The following MEIKIN variants were observed in gnomAD, a reference collection of about 807,000 sequenced individuals.
The protein encoded by MEIKIN is meiosis-specific kinetochore protein.
chr5:131,933,001 G>A (rs1480887099), intron 5 of MEIKIN, among the ~76,000 whole-genome samples: 1 of 151,902 alleles, frequency 6.6e-6, no homozygotes, highest in African/African-American at 2.4e-5. Flanking sequence ...CCTTATGAGC[G>A]TATTACTTTA....
chr5:131,809,184 A>G (rs1170796241), intron 12 of MEIKIN, among the ~76,000 whole-genome samples: 1 of 152,196 alleles, frequency 6.6e-6, no homozygotes, highest in Non-Finnish European at 1.5e-5. Flanking sequence ...ATCACCAGCA[A>G]CTATTTCTAG....
intron 9 of MEIKIN, among the ~76,000 whole-genome samples, chr5:131,869,688 C>A (rs1270925531): frequency 6.6e-6 from 1 of 152,190 alleles, no homozygotes; most frequent in African/African-American, 2.4e-5. Context: ...ACTATGAAGA[C>A]CTGATGGCAG....
intron 11 of MEIKIN, among the ~76,000 whole-genome samples, chr5:131,842,941 T>G (rs887807456): frequency 6.6e-6 from 1 of 152,254 alleles, no homozygotes; most frequent in South Asian, 2.1e-4. Context: ...TGCCTGGATG[T>G]CCAGGTGTTT....
intron 5 of MEIKIN, among the ~76,000 whole-genome samples, chr5:131,926,518 C>T (rs912933057): frequency 3.9e-5 from 6 of 152,094 alleles, no homozygotes; most frequent in Non-Finnish European, 7.4e-5. Flanking sequence ...GTATTTACCT[C>T]GCTTTAGTAT....
rs530253137 is a variant in MEIKIN at position 131,895,797 on chromosome 5, C to G, written c.703+16018G>C. Reference sequence around the variant, plus strand: ...TCTCTTTTATTCTTTATTAGTCTTGCTAGTGGTCTATCAATTTTGTTGATC... The same window carrying G: ...TCTCTTTTATTCTTTATTAGTCTTGGTAGTGGTCTATCAATTTTGTTGATC... On this transcript the variant is annotated intron_variant, in intron 8 of 12. Transcript: ENST00000442687. Among the ~76,000 whole-genome samples, 4 of 152,102 alleles carry G rather than the reference C, an allele frequency of 2.6e-5. No homozygotes were observed. The East Asian group carries it at 7.7e-4, about 29-fold the overall frequency.
At chr5:131,919,206 T>A (rs1485205849) in intron 6 of MEIKIN, among the ~76,000 whole-genome samples, 5 of 150,906 alleles carry the variant, frequency 3.3e-5, no homozygotes, top group Non-Finnish European at 5.9e-5. Context: ...TAGCAAAAAT[T>A]AAAAAAAAAT....
chr5:131,861,157 G>A (rs545457406), intron 9 of MEIKIN, among the ~76,000 whole-genome samples: 4 of 152,148 alleles, frequency 2.6e-5, no homozygotes, highest in East Asian at 1.9e-4. Context: ...TTGGGAGGCC[G>A]AAGTGGGCGG....
chr5:131,842,812 C>T (rs980170610), intron 11 of MEIKIN, among the ~76,000 whole-genome samples: 1 of 152,194 alleles, frequency 6.6e-6, no homozygotes, highest in Non-Finnish European at 1.5e-5. Flanking sequence ...TCATGCTTTA[C>T]AACATCTTTT....
intron 9 of MEIKIN, among the ~76,000 whole-genome samples, chr5:131,869,266 T>C (rs1444756689): frequency 6.6e-6 from 1 of 152,238 alleles, no homozygotes; most frequent in Non-Finnish European, 1.5e-5. Context: ...CTTTGCTCCT[T>C]TGTCAAAGAT....
intron 8 of MEIKIN, among the ~76,000 whole-genome samples, chr5:131,900,348 C>G (rs956833713): frequency 2.0e-5 from 3 of 152,280 alleles, no homozygotes; most frequent in African/African-American, 7.2e-5. Context: ...AGCTGGGAAC[C>G]CTGCAGAGGG....
intron 8 of MEIKIN, among the ~76,000 whole-genome samples, chr5:131,901,097 C>T (rs1317515218): frequency 6.6e-6 from 1 of 152,148 alleles, no homozygotes; most frequent in Non-Finnish European, 1.5e-5. Context: ...GTTGACACTG[C>T]CACTGGCGTG....
At chr5:131,926,930 C>T (rs1188884333) in intron 5 of MEIKIN, among the ~76,000 whole-genome samples, 1 of 152,018 alleles carries the variant, frequency 6.6e-6, no homozygotes, top group African/African-American at 2.4e-5. Flanking sequence ...GTTTGTCAAA[C>T]TTGTCTTTTC....
chr5:131,899,827 T>C (rs1020815968), intron 8 of MEIKIN, among the ~76,000 whole-genome samples: 1 of 152,170 alleles, frequency 6.6e-6, no homozygotes, highest in Non-Finnish European at 1.5e-5. Context: ...AAAGCAAACA[T>C]ATTACAGCTA....
chr5:131,877,150 A>G (rs1231587336), intron 9 of MEIKIN, among the ~76,000 whole-genome samples: 1 of 152,158 alleles, frequency 6.6e-6, no homozygotes, highest in Non-Finnish European at 1.5e-5. Context: ...GTATAATAAT[A>G]ATAAAATTTT....
At position 131,809,547 on chromosome 5, in the gene MEIKIN, G is replaced by A. The variant is rs138492326; in HGVS notation, c.1100-2289C>T. On this transcript the variant is annotated intron_variant, in intron 12 of 12. Coordinates refer to ENST00000442687, the MANE Select transcript of MEIKIN (RefSeq NM_001303622.2). Reference sequence around the variant, plus strand: ...GAACAGGCTGGGTGCGGTGGCTCACGCCTGTAATCCCAGCACTTTGGGAGG... The same window carrying A: ...GAACAGGCTGGGTGCGGTGGCTCACACCTGTAATCCCAGCACTTTGGGAGG... Among the ~76,000 whole-genome samples the A allele has an allele frequency of 2.5e-3, 384 of 152,270 alleles. 9 individuals are homozygous for A. In the East Asian group the frequency reaches 0.063, roughly 25 times the overall value.
At chr5:131,905,909 CA>C (rs1454113853) in intron 8 of MEIKIN, among the ~76,000 whole-genome samples, 2 of 152,022 alleles carry the variant, frequency 1.3e-5, no homozygotes, top group African/African-American at 4.8e-5. Flanking sequence ...ATCTAAGACT[CA>C]AAACTATCAA....
At chr5:131,871,785 T>G (rs1372900536) in intron 9 of MEIKIN, among the ~76,000 whole-genome samples, 1 of 152,136 alleles carries the variant, frequency 6.6e-6, no homozygotes, top group East Asian at 1.9e-4. Flanking sequence ...AGCCGGGTAC[T>G]CCTCTGAGAC....
At chr5:131,931,315 G>A (rs1751687285) in intron 5 of MEIKIN, among the ~76,000 whole-genome samples, 2 of 152,192 alleles carry the variant, frequency 1.3e-5, no homozygotes, top group Admixed American at 1.3e-4. Flanking sequence ...CTCTCCCGAG[G>A]GAGAAGCTGG....
chr5:131,861,362 T>G (rs1429909112), intron 9 of MEIKIN, among the ~76,000 whole-genome samples: 3 of 152,094 alleles, frequency 2.0e-5, no homozygotes, highest in African/African-American at 7.2e-5. Flanking sequence ...CACTCCAACC[T>G]GGGCAACAGA....
Sources: allele counts gnomAD v4.1 joint callset (sites outside exome capture counted in the v4.1 genomes callset), GRCh38; gene constraint gnomAD v4.1.1; transcripts MANE v1.5; gene names NCBI Gene and HGNC (gene_info 2026-07-23, HGNC 2026-07-21).